Variants in GLIS1 observed in about 807,000 individuals in gnomAD.
GLIS1 encodes zinc finger protein GLIS1.
A neutral mutation model predicts 63.8 loss-of-function variants in GLIS1; 24 were observed. That is an observed-to-expected ratio of 0.38 (90% CI 0.27 to 0.53). The LOEUF (loss-of-function observed/expected upper bound fraction) is 0.53, where lower values mean the gene tolerates loss of function less well. Among genes scored for constraint, GLIS1 ranks in the 20% least tolerant of loss-of-function variants. The pLI is 0.85. For synonymous variants in GLIS1, 450 were observed against 482.5 expected (o/e 0.93, Z 0.88); for missense variants, 1,036 against 1,074.1 (o/e 0.96, Z 0.50).
chr1:53,584,912 T>C lies in GLIS1; in HGVS notation c.1320+9196A>G, dbSNP rs377127721. On this transcript the variant is annotated intron_variant, in intron 4 of 10. Coordinates refer to ENST00000628545, the MANE Select transcript of GLIS1 (RefSeq NM_001367484.1). ...AAATTCTCAGTTACGAAGTTTGCCA[T>C]TTCCAGGATGGCCCTCTCAGAAAAC... is the stretch of plus-strand genomic sequence containing the variant. Among the ~76,000 whole-genome samples, 10 of 152,340 alleles carry C rather than the reference T, an allele frequency of 6.6e-5. No individual in the cohort carries two copies. In the East Asian group the frequency reaches 1.5e-3, roughly 23 times the overall value.
intron 2 of GLIS1, among the ~76,000 whole-genome samples, chr1:53,656,789 C>T (rs543127451): frequency 1.9e-4 from 29 of 152,310 alleles, no homozygotes; most frequent in African/African-American, 6.0e-4. Flanking sequence ...CTGGCAGTAC[C>T]GGAGGGCCAG....
At chr1:53,731,445 G>A (rs77700113) in intron 2 of GLIS1, among the ~76,000 whole-genome samples, 1 of 152,184 alleles carries the variant, frequency 6.6e-6, no homozygotes, top group African/African-American at 2.4e-5. Context: ...TTCCTTGGGG[G>A]CGCGCAGCTC....
intron 2 of GLIS1, among the ~76,000 whole-genome samples, chr1:53,651,873 C>CAAA (rs1218432150): frequency 0.058 from 5,302 of 91,242 alleles, 316 homozygotes; most frequent in African/African-American, 0.17. Context: ...GATCTTGTCT[C>CAAA]AAAAAAAAAA....
chr1:53,713,105 G>C (rs1303857268), intron 2 of GLIS1, among the ~76,000 whole-genome samples: 2 of 152,282 alleles, frequency 1.3e-5, no homozygotes, highest in Non-Finnish European at 2.9e-5. Context: ...AACGGAGACA[G>C]AGACATGCCA....
intron 2 of GLIS1, among the ~76,000 whole-genome samples, chr1:53,721,038 A>G (rs1232415953): frequency 1.3e-5 from 2 of 151,062 alleles, no homozygotes; most frequent in Non-Finnish European, 3.0e-5. Flanking sequence ...TACTCAGTAA[A>G]AATATATTAA....
At chr1:53,584,387 G>A (rs1331368503) in intron 4 of GLIS1, among the ~76,000 whole-genome samples, 2 of 152,150 alleles carry the variant, frequency 1.3e-5, no homozygotes, top group African/African-American at 2.4e-5. Context: ...CACGTGTGCT[G>A]TTTCCTTTCC....
chr1:53,518,479 ATTC>A (rs1316829281), intron 7 of GLIS1, among the ~76,000 whole-genome samples: 11 of 152,206 alleles, frequency 7.2e-5, no homozygotes, highest in African/African-American at 2.7e-4. Flanking sequence ...GTACATAGTC[ATTC>A]TTCTTGCTCA....
intron 2 of GLIS1, among the ~76,000 whole-genome samples, chr1:53,647,241 T>C (rs898330938): frequency 1.3e-5 from 2 of 152,220 alleles, no homozygotes; most frequent in Admixed American, 1.3e-4. Flanking sequence ...CTAAAATTTA[T>C]ATTAAAATTC....
chr1:53,633,351 C>A (rs1260148523), intron 2 of GLIS1, among the ~76,000 whole-genome samples: 1 of 108,170 alleles, frequency 9.2e-6, no homozygotes, highest in Non-Finnish European at 1.8e-5. Context: ...GTGTGAATGG[C>A]TGAGGGGCAT....
intron 2 of GLIS1, among the ~76,000 whole-genome samples, chr1:53,623,032 A>G (rs1187699083): frequency 6.6e-6 from 1 of 152,156 alleles, no homozygotes; most frequent in Non-Finnish European, 1.5e-5. Flanking sequence ...TGACTGTGAT[A>G]TGGTTACTTA....
At chr1:53,561,467 T>C (rs1412831808) in intron 4 of GLIS1, among the ~76,000 whole-genome samples, 2 of 152,246 alleles carry the variant, frequency 1.3e-5, no homozygotes, top group African/African-American at 4.8e-5. Context: ...AGGCACTGTA[T>C]GTCTTTACAT....
chr1:53,597,176 TAAAAAAAAAAAAAAAA>T (rs57607550), intron 3 of GLIS1, among the ~76,000 whole-genome samples: 14 of 19,324 alleles, frequency 7.2e-4, no homozygotes, highest in South Asian at 5.1e-3. Context: ...CTGTCTCTAC[TAAAAAAAAAAAAAAAA>T]AAAAAAAAAA....
intron 2 of GLIS1, among the ~76,000 whole-genome samples, chr1:53,612,859 C>T (rs989848905): frequency 1.3e-4 from 19 of 151,270 alleles, no homozygotes; most frequent in African/African-American, 4.4e-4. Context: ...CGCTCTGTCA[C>T]CCAGGCTGGA....
chr1:53,645,236 C>A (rs1645831255), intron 2 of GLIS1, among the ~76,000 whole-genome samples: 1 of 152,204 alleles, frequency 6.6e-6, no homozygotes, highest in Non-Finnish European at 1.5e-5. Flanking sequence ...ATTGCATGAA[C>A]ATTGGGGCCT....
rs530206350 is a variant in GLIS1 at position 53,624,987 on chromosome 1, A to G, written c.260-24709T>C. 4.5e-4 allele frequency among the ~76,000 whole-genome samples: 69 copies of G among 152,354 alleles called. 1 individual carries two copies. The highest frequency in any genetic ancestry group is 1.6e-3 in the African/African-American group (68 of 41,584). ...AAAACCAGGGGGCAATAGCAATCCT[A>G]GTCTGTTTGAATTTTTGTAACTGGA... On this transcript the variant is annotated intron_variant, in intron 2 of 10. Transcript: ENST00000628545.
At chr1:53,647,770 A>G (rs1569981972) in intron 2 of GLIS1, among the ~76,000 whole-genome samples, 1 of 152,224 alleles carries the variant, frequency 6.6e-6, no homozygotes. Context: ...TCTACTCATC[A>G]AAAGACATCA....
chr1:53,508,527 A>G (rs1644261361), intron 10 of GLIS1, among the ~76,000 whole-genome samples: 2 of 151,962 alleles, frequency 1.3e-5, no homozygotes, highest in African/African-American at 4.8e-5. Flanking sequence ...CTCCCTTCTG[A>G]TGCCCCTGCT....
At chr1:53,736,819 G>A (rs1646916708) in intron 2 of GLIS1, among the ~76,000 whole-genome samples, 1 of 152,170 alleles carries the variant, frequency 6.6e-6, no homozygotes, top group African/African-American at 2.4e-5. Context: ...CTAAAAGTAG[G>A]CTGCCTACCC....
chr1:53,693,157 G>C (rs569490263), intron 2 of GLIS1, among the ~76,000 whole-genome samples: 3 of 152,154 alleles, frequency 2.0e-5, no homozygotes, highest in Non-Finnish European at 4.4e-5. Context: ...TATGTTACAC[G>C]CACTGTTTCA....
Sources: allele counts gnomAD v4.1 joint callset (sites outside exome capture counted in the v4.1 genomes callset), GRCh38; gene constraint gnomAD v4.1.1; transcripts MANE v1.5; gene names NCBI Gene and HGNC (gene_info 2026-07-23, HGNC 2026-07-21).